IMPACT: variants seen among roughly 807,000 people sequenced by gnomAD.
IMPACT encodes protein IMPACT.
In IMPACT, 35 loss-of-function variants were observed where a neutral mutation model predicts 47.5. That is an observed-to-expected ratio of 0.74 (90% CI 0.56 to 0.98). The LOEUF (loss-of-function observed/expected upper bound fraction) is 0.98, where lower values mean the gene tolerates loss of function less well. Ranked by LOEUF, IMPACT falls within the 50% of genes least tolerant of loss-of-function variation. IMPACT has a pLI of 0.00. For missense variants in IMPACT, 373 were observed against 394.8 expected (o/e 0.94, Z 0.47); for synonymous variants, 118 against 125.6 (o/e 0.94, Z 0.40).
intron 5 of IMPACT, among the ~76,000 whole-genome samples, chr18:24,439,010 G>A (rs372558901): frequency 2.6e-5 from 4 of 152,166 alleles, no homozygotes; most frequent in Non-Finnish European, 4.4e-5. Flanking sequence ...AGGCTGGCAG[G>A]CTGGGGACCC....
At chr18:24,433,000 C>T (rs1908796554) in intron 4 of IMPACT, among the ~76,000 whole-genome samples, 1 of 152,102 alleles carries the variant, frequency 6.6e-6, no homozygotes, top group African/African-American at 2.4e-5. Flanking sequence ...CGCAACTTTC[C>T]TTTTCTCTTT....
At chr18:24,450,738 T>A in intron 10 of IMPACT, 41 bp from the exon 11 acceptor site, 2 of 1,290,398 alleles carry the variant, frequency 1.5e-6, no homozygotes, top group Non-Finnish European at 2.2e-6. Context: ...TTCATCTTTA[T>A]GTAAATGGAG....
chr18:24,428,869 G>T lies in IMPACT; in HGVS notation c.166G>T (p.Val56Leu), dbSNP rs149839360. The change falls in exon 3 of 11, where the codon GTG becomes TTG. Residue 56 changes from valine to leucine, a missense_variant and splice_region_variant. Physicochemically the swap from Val to Leu is conservative, Grantham distance 32 (BLOSUM62 1). Transcript: ENST00000284202. ...DDPKWTLCLQ[V>L]MLPNEYPGTA... Reference sequence around the variant, plus strand: ...AGATGTTTTTGAACCTGCATTGTAGGTGATGCTGCCGAATGAATACCCAGG... The same window carrying T: ...AGATGTTTTTGAACCTGCATTGTAGTTGATGCTGCCGAATGAATACCCAGG... 1.7e-4 allele frequency: 277 copies of T among 1,610,766 alleles called. 1 individual carries two copies. In the African/African-American group the frequency reaches 2.5e-3, roughly 14 times the overall value.
At chr18:24,435,797 G>A (rs541796332) in intron 4 of IMPACT, among the ~76,000 whole-genome samples, 29 of 152,272 alleles carry the variant, frequency 1.9e-4, no homozygotes, top group African/African-American at 7.0e-4. Context: ...CTCTTTGTGA[G>A]TAGGCCATCT....
At chr18:24,441,954 A>G (rs1204365537) in intron 6 of IMPACT, among the ~76,000 whole-genome samples, 1 of 152,208 alleles carries the variant, frequency 6.6e-6, no homozygotes, top group East Asian at 1.9e-4. Context: ...TGACCCTAAT[A>G]CTGTATTTGA....
At position 24,443,076 on chromosome 18, in the gene IMPACT, T is replaced by A. The variant is rs201711042; in HGVS notation, c.518T>A (p.Ile173Asn). ...GTAGAAGTAGAAGAATTACCTCCGATTGATCATGGCATTCCTATTACAGAC... is the reference window on the plus strand; with the variant it reads ...GTAGAAGTAGAAGAATTACCTCCGAATGATCATGGCATTCCTATTACAGAC... ...TEVEVEELPPIDHGIPITDRR... is the reference protein window; with the variant it reads ...TEVEVEELPPNDHGIPITDRR... Residue 173 changes from isoleucine (I) to asparagine (N), a missense_variant, in exon 7 of 11, where the codon ATT becomes AAT. Ile to Asn is a moderately radical substitution (Grantham distance 149). Coordinates refer to ENST00000284202, the MANE Select transcript of IMPACT (RefSeq NM_018439.4). 6.3e-7 allele frequency: 1 copy of A among 1,599,700 alleles called. No homozygotes were observed. Among genetic ancestry groups the A allele is most frequent in the African/African-American group, 1.3e-5 (1 of 74,614 alleles).
rs1357708201 is a variant in IMPACT at position 24,442,794 on chromosome 18, A to G, written c.491-255A>G. 2.6e-5 allele frequency among the ~76,000 whole-genome samples: 4 copies of G among 152,164 alleles called. 1 individual carries two copies. The highest frequency in any genetic ancestry group is 3.8e-4 in the East Asian group (2 of 5,200). The stretch of plus-strand genomic sequence containing the variant: ...AGCAGTTCAAGATTAGTCCCAACCC[A>G]CTGCTTCCCCTGGGTAACCTTGGCA... On this transcript the variant is annotated intron_variant, in intron 6 of 10. Coordinates refer to ENST00000284202, the MANE Select transcript of IMPACT (RefSeq NM_018439.4).
At chr18:24,447,583 G>A (rs574839999) in intron 8 of IMPACT, among the ~76,000 whole-genome samples, 40 of 152,216 alleles carry the variant, frequency 2.6e-4, no homozygotes, top group Non-Finnish European at 4.4e-4. Context: ...CTTGATGGCT[G>A]GAATAAGATG....
Position 24,443,109 on chromosome 18 carries a change from G to C in IMPACT, c.551G>C (p.Ser184Thr). Residue 184 changes from serine (S) to threonine (T), a missense_variant, in exon 7 of 11, where the codon AGT becomes ACT. Coordinates refer to ENST00000284202, the MANE Select transcript of IMPACT (RefSeq NM_018439.4). The stretch of plus-strand genomic sequence containing the variant: ...GGCATTCCTATTACAGACCGAAGAA[G>C]TACTTTTCAGGCACACTTGGCTCCA... ...DHGIPITDRR[S>T]TFQAHLAPVV... The C allele has an allele frequency of 6.2e-7, 1 of 1,608,274 alleles. No individual in the cohort carries two copies. The highest frequency in any genetic ancestry group is 8.5e-7 in the Non-Finnish European group (1 of 1,176,204).
rs1304228499 is a variant in IMPACT at position 24,443,121 on chromosome 18, C to A, written c.563C>A (p.Ala188Glu). 1 of 1,605,344 alleles carries A rather than the reference C, an allele frequency of 6.2e-7. No individual in the cohort carries two copies. The highest frequency in any genetic ancestry group is 1.7e-5 in the Admixed American group (1 of 59,488). ...ACAGACCGAAGAAGTACTTTTCAGG[C>A]ACACTTGGCTCCAGTGGTTTGTCCC... ...PITDRRSTFQ[A>E]HLAPVVCPKQ... Residue 188 changes from alanine to glutamate, a missense_variant, in exon 7 of 11, where the codon GCA becomes GAA. Ala to Glu is a moderately radical substitution (Grantham distance 107). Coordinates refer to ENST00000284202, the MANE Select transcript of IMPACT (RefSeq NM_018439.4).
In IMPACT at chr18:24,449,970, A is replaced by G. The variant is rs1483365420; in HGVS notation, c.894+17A>G. Reference sequence around the variant, plus strand: ...AATTCACCTGTAAGTGGCTCTTCGTACTACATCTAGAGAATTTCTCATCAC... The same window carrying G: ...AATTCACCTGTAAGTGGCTCTTCGTGCTACATCTAGAGAATTTCTCATCAC... On this transcript the variant is annotated intron_variant, in intron 10 of 10. Transcript: ENST00000284202. 2 of 1,611,692 alleles carry G rather than the reference A, an allele frequency of 1.2e-6. No individual in the cohort carries two copies. The highest frequency in any genetic ancestry group is 1.7e-6 in the Non-Finnish European group (2 of 1,178,012).
At chr18:24,440,436 T>A in intron 5 of IMPACT, 60 bp from the exon 6 acceptor site, 2 of 1,574,282 alleles carry the variant, frequency 1.3e-6, no homozygotes, top group Non-Finnish European at 8.6e-7. Context: ...AGTGATTTTT[T>A]TTTAAAAAGC....
intron 4 of IMPACT, among the ~76,000 whole-genome samples, chr18:24,437,553 A>G (rs1471982590): frequency 3.9e-5 from 6 of 152,236 alleles, no homozygotes; most frequent in Non-Finnish European, 8.8e-5. Flanking sequence ...TAAGTGTACC[A>G]AATAAGGGGT....
chr18:24,450,846 A>G lies in IMPACT; in HGVS notation c.962A>G (p.Ter321=). Residue 321 remains the stop codon, a stop_retained_variant, in exon 11 of 11, where the codon TAA becomes TGA. Coordinates refer to ENST00000284202, the MANE Select transcript of IMPACT (RefSeq NM_018439.4). ...AAAGACAAGAAGAGGAATGAACATT[A>G]ATACCTGAAACTATAGGAAAGGTTA... ...VRKDKKRNEH[*] is the part of the protein sequence containing the mutation. 6 of 1,568,138 alleles carry G rather than the reference A, an allele frequency of 3.8e-6. No individual in the cohort carries two copies. The highest frequency in any genetic ancestry group is 5.3e-6 in the Non-Finnish European group (6 of 1,139,274).
chr18:24,437,755 TG>T (rs2144338939), intron 4 of IMPACT, among the ~76,000 whole-genome samples, 199 bp from the exon 5 acceptor site: 1 of 152,310 alleles, frequency 6.6e-6, no homozygotes, highest in East Asian at 1.9e-4. Flanking sequence ...TGGAGTCAAC[TG>T]GAATTTTTAA....
intron 8 of IMPACT, among the ~76,000 whole-genome samples, chr18:24,445,686 AT>A (rs1213631315): frequency 1.3e-5 from 2 of 151,976 alleles, no homozygotes; most frequent in South Asian, 2.1e-4. Context: ...TTTTTGTTTC[AT>A]TTTTTTCTCT....
rs746307763 is a variant in IMPACT, at chr18:24,430,377, A to G, written c.274A>G (p.Ile92Val). The change falls in exon 4 of 11, where the codon ATA becomes GTA. Residue 92 changes from isoleucine to valine, a missense_variant. Coordinates refer to ENST00000284202, the MANE Select transcript of IMPACT (RefSeq NM_018439.4). Reference sequence around the variant, plus strand: ...GGATTTATCAAATAGCCTTGAGGAAATATATATGTAAGTGACAGGCGATTT... The same window carrying G: ...GGATTTATCAAATAGCCTTGAGGAAGTATATATGTAAGTGACAGGCGATTT... ...RADLSNSLEE[I>V]YIQNIGESIL... 3 of 1,596,564 alleles carry G rather than the reference A, an allele frequency of 1.9e-6. No individual in the cohort carries two copies. The highest frequency in any genetic ancestry group is 1.7e-4 in the Middle Eastern group (1 of 6,020).
intron 3 of IMPACT, chr18:24,429,708 C>T (rs1908702550): frequency 2.0e-5 from 3 of 151,660 alleles, no homozygotes; most frequent in East Asian, 3.9e-4. Flanking sequence ...AATAATGGTT[C>T]TGTAAATTTT....
intron 8 of IMPACT, 35 bp from the exon 9 acceptor site, chr18:24,448,058 G>A: frequency 8.2e-7 from 1 of 1,226,524 alleles, no homozygotes; most frequent in Non-Finnish European, 1.2e-6. Context: ...TAATATTTTA[G>A]TTTCAAAGTG....
Sources: gnomAD v4.1 joint callset for allele counts (sites outside exome capture counted in the v4.1 genomes callset) on GRCh38, gnomAD v4.1.1 for gene constraint, MANE v1.5 for transcripts, NCBI Gene and HGNC (gene_info 2026-07-23, HGNC 2026-07-21) for gene names.